The following ERBB4 variants were observed in gnomAD, a reference collection of about 807,000 sequenced individuals.
ERBB4 encodes the protein erb-b2 receptor tyrosine kinase 4.
A neutral mutation model predicts 158.0 loss-of-function variants in ERBB4; 42 were observed. That is an observed-to-expected ratio of 0.27 (90% CI 0.21 to 0.34). ERBB4 has a LOEUF of 0.34. ERBB4 is among the 10% of genes least tolerant of loss of function. ERBB4 has a pLI of 1.00. For missense variants in ERBB4, 1,333 were observed against 1,624.1 expected, an observed-to-expected ratio of 0.82 and a Z score of 3.08; for synonymous variants, 583 against 558.7, an observed-to-expected ratio of 1.04 and a Z score of -0.61.
chr2:212,266,536 C>A (rs6727447), intron 1 of ERBB4, among the ~76,000 whole-genome samples: 116,930 of 151,794 alleles, frequency 0.77, 45,419 homozygotes, highest in Non-Finnish European at 0.82. Context: ...TGAAACTACT[C>A]ATCTTTCACT....
chr2:212,106,508 C>G (rs896072787), intron 2 of ERBB4, among the ~76,000 whole-genome samples: 1 of 152,148 alleles, frequency 6.6e-6, no homozygotes, highest in Non-Finnish European at 1.5e-5. Context: ...GGAAATAGAG[C>G]ATAAAAGTTT....
chr2:211,575,592 C>T (rs1426698523), intron 19 of ERBB4, among the ~76,000 whole-genome samples: 2 of 152,112 alleles, frequency 1.3e-5, no homozygotes, highest in East Asian at 1.9e-4. Context: ...TTTTCCTGGA[C>T]ACTGCATCTT....
At chr2:211,514,001 G>T in intron 20 of ERBB4, among the ~76,000 whole-genome samples, 1 of 152,006 alleles carries the variant, frequency 6.6e-6, no homozygotes, top group South Asian at 2.1e-4. Flanking sequence ...TTCTCTTCTA[G>T]CTATTTTGAA....
rs533868263 is a variant in ERBB4 at position 211,718,968 on chromosome 2, G to A, written c.883+3425C>T. Among the ~76,000 whole-genome samples the A allele has an allele frequency of 1.3e-4, 20 of 152,296 alleles. 2 individuals carry two copies. In the South Asian group the frequency reaches 4.1e-3, roughly 32 times the overall value. ...AAACAGCTGAGAAACCAGGGAATAG[G>A]TCCTACAGGGATAAGGGGGCTTTCT... On this transcript the variant is annotated intron_variant, in intron 7 of 27. Coordinates refer to ENST00000342788, the MANE Select transcript of ERBB4 (RefSeq NM_005235.3).
chr2:211,774,640 G>A (rs189517427), intron 4 of ERBB4, among the ~76,000 whole-genome samples: 1 of 152,088 alleles, frequency 6.6e-6, no homozygotes, highest in Non-Finnish European at 1.5e-5. Flanking sequence ...TATGTCACTG[G>A]GCAGGCAGTG....
At chr2:212,313,897 G>T (rs1350919206) in intron 1 of ERBB4, among the ~76,000 whole-genome samples, 1 of 150,954 alleles carries the variant, frequency 6.6e-6, no homozygotes, top group Non-Finnish European at 1.5e-5. Flanking sequence ...GAATCTCAAA[G>T]TTCTTGAGGC....
intron 1 of ERBB4, among the ~76,000 whole-genome samples, chr2:212,256,260 T>C (rs1574532898): frequency 6.6e-6 from 1 of 152,308 alleles, no homozygotes; most frequent in East Asian, 1.9e-4. Context: ...TTGCTTTAAC[T>C]AGCAATTTTT....
rs113713398 is a variant in ERBB4, at chr2:212,254,333, G to C, written c.83-129430C>G. Among the ~76,000 whole-genome samples the C allele has an allele frequency of 4.8e-3, 733 of 152,208 alleles. 6 individuals are homozygous for C. The highest frequency in any genetic ancestry group is 0.017 in the Middle Eastern group (5 of 294). The stretch of plus-strand genomic sequence containing the variant: ...ACAAAACCAAAGGAATGAAGATTAA[G>C]TTAAAATGCGGACAGCTATGTTGAA... On this transcript the variant is annotated intron_variant, in intron 1 of 27. Transcript: ENST00000342788.
At chr2:212,252,001 G>A (rs536705972) in intron 1 of ERBB4, among the ~76,000 whole-genome samples, 2 of 151,998 alleles carry the variant, frequency 1.3e-5, no homozygotes, top group South Asian at 4.1e-4. Context: ...CAAGGGTAAT[G>A]ACAATGGAGG....
chr2:212,290,831 T>C (rs2086180514), intron 1 of ERBB4, among the ~76,000 whole-genome samples: 2 of 151,930 alleles, frequency 1.3e-5, no homozygotes, highest in African/African-American at 2.4e-5. Flanking sequence ...TGCCAGCCAG[T>C]GTAAGAGCAA....
At chr2:212,146,677 C>T (rs140871206) in intron 1 of ERBB4, among the ~76,000 whole-genome samples, 187 of 152,220 alleles carry the variant, frequency 1.2e-3, no homozygotes, top group African/African-American at 4.2e-3. Flanking sequence ...TTTGCAAAGA[C>T]GTCCCTAACT....
chr2:211,895,133 C>A (rs2079065234), intron 3 of ERBB4, among the ~76,000 whole-genome samples: 1 of 152,092 alleles, frequency 6.6e-6, no homozygotes, highest in East Asian at 1.9e-4. Context: ...TTAGGTGGGA[C>A]CATATGACTA....
chr2:211,775,573 G>A (rs1018054743), intron 4 of ERBB4, among the ~76,000 whole-genome samples: 1 of 152,158 alleles, frequency 6.6e-6, no homozygotes, highest in Non-Finnish European at 1.5e-5. Flanking sequence ...AGATGCTTTG[G>A]GTTAAGCTAC....
At chr2:211,472,935 T>C (rs1055606248) in intron 20 of ERBB4, among the ~76,000 whole-genome samples, 2 of 151,176 alleles carry the variant, frequency 1.3e-5, no homozygotes, top group Non-Finnish European at 2.9e-5. Flanking sequence ...TTAATATTTA[T>C]TATTATTATT....
intron 3 of ERBB4, among the ~76,000 whole-genome samples, chr2:211,877,227 G>A (rs892583111): frequency 2.6e-5 from 4 of 152,184 alleles, no homozygotes; most frequent in South Asian, 2.1e-4. Flanking sequence ...GCTGAAGCTC[G>A]AGTAGCCTTA....
At chr2:211,796,469 G>A (rs1040025183) in intron 3 of ERBB4, among the ~76,000 whole-genome samples, 6 of 151,988 alleles carry the variant, frequency 3.9e-5, no homozygotes, top group East Asian at 3.9e-4. Context: ...TTTATGTTGC[G>A]TGTATACCTA....
intron 1 of ERBB4, among the ~76,000 whole-genome samples, chr2:212,335,877 A>T (rs116795124): frequency 0.011 from 1,635 of 152,122 alleles, 30 homozygotes; most frequent in African/African-American, 0.037. Context: ...AAGAAGTTCC[A>T]CTGTTAATTT....
At chr2:212,084,234 C>A (rs2078534760) in intron 2 of ERBB4, among the ~76,000 whole-genome samples, 1 of 151,852 alleles carries the variant, frequency 6.6e-6, no homozygotes, top group Non-Finnish European at 1.5e-5. Context: ...TCGGACAACT[C>A]AACAAATTAG....
At chr2:212,273,794 T>C (rs1293549645) in intron 1 of ERBB4, among the ~76,000 whole-genome samples, 5 of 151,720 alleles carry the variant, frequency 3.3e-5, no homozygotes, top group African/African-American at 1.2e-4. Context: ...TAAAATCAAA[T>C]GAAGAAATGA....
Sources: gnomAD v4.1 joint callset for allele counts (sites outside exome capture counted in the v4.1 genomes callset) on GRCh38, gnomAD v4.1.1 for gene constraint, MANE v1.5 for transcripts, NCBI Gene and HGNC (gene_info 2026-07-23, HGNC 2026-07-21) for gene names.